Variants in BTF3L4 observed in about 807,000 individuals in gnomAD.
BTF3L4 encodes basic transcription factor 3 like 4, also known as transcription factor BTF3 homolog 4.
BTF3L4 carries 6 observed loss-of-function variants against 16.8 expected under a neutral mutation model. That is an observed-to-expected ratio of 0.36 (90% confidence interval 0.20 to 0.71). BTF3L4 has a LOEUF of 0.71. Ranked by LOEUF, BTF3L4 falls within the 30% of genes least tolerant of loss-of-function variation. The pLI is 0.58. For synonymous variants in BTF3L4, 39 were observed against 59.8 expected (o/e 0.65, Z 1.60); for missense variants, 92 against 186.9 (o/e 0.49, Z 2.96).
chr1:52,083,217 T>C, intron 3 of BTF3L4, 123 bp from the exon 4 acceptor site: 1 of 758,482 alleles, frequency 1.3e-6, no homozygotes, highest in South Asian at 1.8e-5. Context: ...GCTTGGCCAG[T>C]TACTACCTTG....
chr1:52,072,204 G>A (rs537439243), intron 3 of BTF3L4, among the ~76,000 whole-genome samples: 114 of 151,650 alleles, frequency 7.5e-4, no homozygotes, highest in African/African-American at 2.6e-3. Flanking sequence ...ACAGGCGCCC[G>A]CCACCACGCC....
In BTF3L4 at chr1:52,087,794, A is replaced by G. The variant is rs1374564149; in HGVS notation, c.*1036A>G. 1.3e-5 allele frequency: 2 copies of G among 152,666 alleles called. No homozygotes were observed. Among genetic ancestry groups the G allele is most frequent in the African/African-American group, 4.8e-5 (2 of 41,446 alleles). 9.5% of individuals were successfully genotyped at this position (152,666 alleles called of 1,614,324 possible). On this transcript the variant is annotated 3_prime_UTR_variant, in exon 6 of 6. Coordinates refer to ENST00000313334, the MANE Select transcript of BTF3L4 (RefSeq NM_152265.5). ...ATGTCCTTTTGAATCAGAAGAAAAT[A>G]GGCCATAGACTCATCTCCCAGCACA...
At position 52,090,563 on chromosome 1, in the gene BTF3L4, CT is replaced by C. The variant is rs1330600737; in HGVS notation, c.*3807del. 1 of 152,182 alleles carries C rather than the reference CT, an allele frequency of 6.6e-6. No individual in the cohort carries two copies. The highest frequency in any genetic ancestry group is 1.5e-5 in the Non-Finnish European group (1 of 68,034). The allele number at this position is 152,182 out of a possible 1,614,324, so 9.4% of individuals were successfully genotyped here. ...CTATCTGAGCATGTCCTTACATTTA[CT>C]TCCAGCATACTATTCATTTGCCATA... On this transcript the variant is annotated 3_prime_UTR_variant, in exon 6 of 6. Transcript: ENST00000313334.
At chr1:52,056,889 C>G (rs1932230) in intron 1 of BTF3L4, among the ~76,000 whole-genome samples, 4,526 of 152,272 alleles carry the variant, frequency 0.03, 85 homozygotes, top group Non-Finnish European at 0.036. Flanking sequence ...TTATAACCCC[C>G]CTCCCACTGC....
chr1:52,061,751 C>T lies in BTF3L4; in HGVS notation c.54+1850C>T, dbSNP rs562758059. 4.0e-5 allele frequency among the ~76,000 whole-genome samples: 6 copies of T among 149,574 alleles called. No homozygotes were observed. The South Asian group carries it at 1.3e-3, about 31-fold the overall frequency. ...CGCCTCCTGGATTCAGGCAATTCTC[C>T]TGCCTCAGTCTCCTGAGTAGCTGGG... is the stretch of plus-strand genomic sequence containing the variant. On this transcript the variant is annotated intron_variant, in intron 2 of 5. Coordinates refer to ENST00000313334, the MANE Select transcript of BTF3L4 (RefSeq NM_152265.5).
chr1:52,079,931 G>T (rs1448999812), intron 3 of BTF3L4, among the ~76,000 whole-genome samples: 1 of 148,360 alleles, frequency 6.7e-6, no homozygotes, highest in East Asian at 2.0e-4. Context: ...GAGTGCAATG[G>T]CATGATCTGA....
intron 2 of BTF3L4, 97 bp downstream of exon 2, chr1:52,059,998 C>T (rs1686468696): frequency 2.5e-6 from 3 of 1,200,712 alleles, no homozygotes; most frequent in South Asian, 3.0e-5. Flanking sequence ...AAAATCTTTT[C>T]AATAATCAAG....
Position 52,077,684 on chromosome 1 carries a change from C to G in BTF3L4, c.169-5656C>G, listed in dbSNP as rs886583911. Among the ~76,000 whole-genome samples, 3 of 152,148 alleles carry G rather than the reference C, an allele frequency of 2.0e-5. No individual in the cohort carries two copies. The East Asian group carries it at 5.8e-4, about 29-fold the overall frequency. The stretch of plus-strand genomic sequence containing the variant: ...CAGTTATTAGCAAGAGCTATGGAGT[C>G]AAATATAATTTTGTGAGCCTCCTCT... On this transcript the variant is annotated intron_variant, in intron 3 of 5. Coordinates refer to ENST00000313334, the MANE Select transcript of BTF3L4 (RefSeq NM_152265.5).
chr1:52,073,450 A>G (rs193099343), intron 3 of BTF3L4, among the ~76,000 whole-genome samples: 1 of 150,428 alleles, frequency 6.6e-6, no homozygotes, highest in African/African-American at 2.5e-5. Flanking sequence ...CTTTATGTAC[A>G]CTATATATAT....
Position 52,089,142 on chromosome 1 carries a change from T to C in BTF3L4, c.*2384T>C, listed in dbSNP as rs1167692313. 6.6e-6 allele frequency: 1 copy of C among 152,162 alleles called. No individual in the cohort carries two copies. Among genetic ancestry groups the C allele is most frequent in the Non-Finnish European group, 1.5e-5 (1 of 68,028 alleles). 9.4% of individuals were successfully genotyped at this position (152,162 alleles called of 1,614,324 possible). A position where few individuals can be genotyped will look rare whatever the true frequency, so the allele number is the denominator to read the frequency against. The stretch of plus-strand genomic sequence containing the variant: ...ATTTGAAATTTTTCAGGGAAGGGAT[T>C]TTATCATTTGTTCAGAGATGTCTTT... On this transcript the variant is annotated 3_prime_UTR_variant, in exon 6 of 6. Coordinates refer to ENST00000313334, the MANE Select transcript of BTF3L4 (RefSeq NM_152265.5).
At chr1:52,083,572 TCC>T in intron 4 of BTF3L4, 31 bp downstream of exon 4, 1 of 1,548,624 alleles carries the variant, frequency 6.5e-7, no homozygotes, top group Non-Finnish European at 8.9e-7. Context: ...AATCTTTCTC[TCC>T]CCACCTTACT....
chr1:52,058,646 G>C (rs1686433982), intron 1 of BTF3L4, among the ~76,000 whole-genome samples: 1 of 151,130 alleles, frequency 6.6e-6, no homozygotes, highest in Non-Finnish European at 1.5e-5. Flanking sequence ...TTGTTGCTCA[G>C]GCTGGAGTGC....
chr1:52,068,437 G>A (rs968800229), intron 3 of BTF3L4, among the ~76,000 whole-genome samples: 14 of 152,090 alleles, frequency 9.2e-5, no homozygotes, highest in African/African-American at 3.1e-4. Flanking sequence ...GTATTATATC[G>A]TACCATTTCA....
intron 3 of BTF3L4, among the ~76,000 whole-genome samples, chr1:52,068,436 C>T (rs574505809): frequency 2.4e-4 from 36 of 152,232 alleles, no homozygotes; most frequent in African/African-American, 7.2e-4. Flanking sequence ...TGTATTATAT[C>T]GTACCATTTC....
Position 52,087,439 on chromosome 1 carries a change from C to T in BTF3L4, c.*681C>T, listed in dbSNP as rs530863514. On this transcript the variant is annotated 3_prime_UTR_variant, in exon 6 of 6. Coordinates refer to ENST00000313334, the MANE Select transcript of BTF3L4 (RefSeq NM_152265.5). Reference sequence around the variant, plus strand: ...TTTTACTAGCTTGCTTCCTAAATGCCTTTTTTCCTCTCCTTTTGGTCTCCA... The same window carrying T: ...TTTTACTAGCTTGCTTCCTAAATGCTTTTTTTCCTCTCCTTTTGGTCTCCA... 2 of 152,254 alleles carry T rather than the reference C, an allele frequency of 1.3e-5. No homozygotes were observed. Among genetic ancestry groups the T allele is most frequent in the South Asian group, 4.1e-4 (2 of 4,834 alleles). 9.4% of individuals were successfully genotyped at this position (152,254 alleles called of 1,614,324 possible).
chr1:52,069,484 A>G (rs1258212423), intron 3 of BTF3L4, among the ~76,000 whole-genome samples: 1 of 152,124 alleles, frequency 6.6e-6, no homozygotes. Context: ...AGATATGAAC[A>G]TATATATATG....
chr1:52,070,563 A>G (rs554287358), intron 3 of BTF3L4, among the ~76,000 whole-genome samples: 1 of 150,648 alleles, frequency 6.6e-6, no homozygotes, highest in African/African-American at 2.4e-5. Flanking sequence ...ATCTCAAAAA[A>G]AAAAAAAACA....
Position 52,060,352 on chromosome 1 carries a change from T to C in BTF3L4, c.54+451T>C, listed in dbSNP as rs1686478873. 10 of 635,436 alleles carry C rather than the reference T, an allele frequency of 1.6e-5. No individual in the cohort carries two copies. The South Asian group carries it at 1.8e-4, about 11-fold the overall frequency. The allele number at this position is 635,436 out of a possible 1,614,324, so 39.4% of individuals were successfully genotyped here. On this transcript the variant is annotated intron_variant, in intron 2 of 5. Transcript: ENST00000313334. ...ACCAGATGTTAGGGTTACTTTGTCT[T>C]GACTGGATGTTACCTACTTGTACAG...
intron 5 of BTF3L4, 192 bp downstream of exon 5, chr1:52,086,363 A>C: frequency 2.0e-6 from 1 of 495,682 alleles, no homozygotes; most frequent in Non-Finnish European, 3.6e-6. Context: ...AAATTGTCAC[A>C]CAAAGCTCTG....
Sources: gnomAD v4.1 joint callset for allele counts (sites outside exome capture counted in the v4.1 genomes callset) on GRCh38, gnomAD v4.1.1 for gene constraint, MANE v1.5 for transcripts, NCBI Gene and HGNC (gene_info 2026-07-23, HGNC 2026-07-21) for gene names.